The following CEP89 variants were observed in gnomAD, a reference collection of about 807,000 sequenced individuals.
CEP89 encodes the protein centrosomal protein of 89 kDa.
CEP89 carries 95 observed loss-of-function variants against 97.6 expected under a neutral mutation model. The observed-to-expected ratio is 0.97, with a 90% CI of 0.82 to 1.15. CEP89 has a LOEUF of 1.15. Ranked by LOEUF, CEP89 falls within the 50% of genes most tolerant of loss-of-function variation. The probability of loss-of-function intolerance (pLI) is 0.00; values close to 1 mark genes in which losing one functional copy is unlikely to be tolerated. For missense variants in CEP89, 869 were observed against 947.7 expected (o/e 0.92, Z 1.09); for synonymous variants, 354 against 349.1 (o/e 1.01, Z -0.16).
At position 32,933,435 on chromosome 19, in the gene CEP89, CTCTG is replaced by C. The variant is rs1237880232; in HGVS notation, c.886+12_886+15del. ...CCTGCTCATTCCTCTAATAAAGGCA[CTCTG>C]TCTGTCCCCACCTTCCTGTGACGAC... is the stretch of plus-strand genomic sequence containing the variant. On this transcript the variant is annotated intron_variant, in intron 8 of 18. Transcript: ENST00000305768. The C allele has an allele frequency of 1.9e-6, 3 of 1,589,498 alleles. No homozygotes were observed. Among genetic ancestry groups the C allele is most frequent in the East Asian group, 2.2e-5 (1 of 44,742 alleles).
intron 6 of CEP89, among the ~76,000 whole-genome samples, chr19:32,939,071 A>G (rs1970634172): frequency 6.6e-6 from 1 of 151,000 alleles, no homozygotes; most frequent in Non-Finnish European, 1.5e-5. Context: ...ACATAACAAG[A>G]CCCCATCTCT....
At chr19:32,927,456 G>A (rs1267482906) in intron 9 of CEP89, among the ~76,000 whole-genome samples, 1 of 152,132 alleles carries the variant, frequency 6.6e-6, no homozygotes, top group African/African-American at 2.4e-5. Context: ...CATAGGCAGT[G>A]TGCCTAGAGT....
intron 17 of CEP89, among the ~76,000 whole-genome samples, chr19:32,883,174 AATT>A (rs1969322373): frequency 6.6e-6 from 1 of 151,804 alleles, no homozygotes; most frequent in African/African-American, 2.4e-5. Context: ...GCATTTCTAA[AATT>A]ATTGTCACAG....
At chr19:32,918,878 CTTTTTCT>C (rs1390976681) in intron 12 of CEP89, among the ~76,000 whole-genome samples, 13 of 110,862 alleles carry the variant, frequency 1.2e-4, no homozygotes, top group Middle Eastern at 4.1e-3. Flanking sequence ...TTTTCTTTTT[CTTTTTCT>C]TTTTTTTTTT....
chr19:32,942,153 A>G (rs545573205), intron 5 of CEP89, among the ~76,000 whole-genome samples: 45 of 152,188 alleles, frequency 3.0e-4, no homozygotes, highest in Non-Finnish European at 4.1e-4. Flanking sequence ...AGGCCGAGGC[A>G]GGTAGATCGG....
chr19:32,879,601 C>T (rs935671383), intron 18 of CEP89, among the ~76,000 whole-genome samples: 4 of 152,098 alleles, frequency 2.6e-5, no homozygotes, highest in African/African-American at 9.7e-5. Context: ...TGGAATGAAG[C>T]GGCCAGTGCC....
intron 9 of CEP89, among the ~76,000 whole-genome samples, chr19:32,929,799 C>CT (rs1169734117): frequency 2.6e-5 from 4 of 152,092 alleles, no homozygotes. Flanking sequence ...ACCCTAAGAA[C>CT]TTTATTTGTT....
intron 1 of CEP89, chr19:32,970,477 AC>A (rs932392575): frequency 1.3e-5 from 2 of 149,720 alleles, no homozygotes; most frequent in Non-Finnish European, 3.0e-5. Flanking sequence ...GCATACCCAG[AC>A]CCCATCTCTA....
chr19:32,937,500 T>C, intron 7 of CEP89, 131 bp downstream of exon 7: 2 of 776,836 alleles, frequency 2.6e-6, no homozygotes, highest in African/African-American at 3.5e-5. Flanking sequence ...ACCCTCTCTT[T>C]TGAGGCAAGG....
rs1969478599 is a variant in CEP89, at chr19:32,889,943, C to G, written c.1876-2102G>C. On this transcript the variant is annotated intron_variant, in intron 16 of 18. Coordinates refer to ENST00000305768, the MANE Select transcript of CEP89 (RefSeq NM_032816.5). Reference sequence around the variant, plus strand: ...TACCACAGAGAGTGCCAGGGTTCAGCTGCCTTTCAGAGGGGCAGCGCTGGG... The same window carrying G: ...TACCACAGAGAGTGCCAGGGTTCAGGTGCCTTTCAGAGGGGCAGCGCTGGG... Among the ~76,000 whole-genome samples the G allele has an allele frequency of 2.0e-5, 3 of 152,230 alleles. No individual in the cohort carries two copies. In the South Asian group the frequency reaches 6.2e-4, roughly 32 times the overall value.
rs1969293689 is a variant in CEP89, at chr19:32,881,991, A to G, written c.1988T>C (p.Leu663Pro). ...KVKGYKKQAA[L>P]KLGDISHRLL... ...ACGGTGACTGATGTCCCCCAGCTTCAGTGCTGCCTGCTTCTTGTAGCCCTG... is the reference window on the plus strand; with the variant it reads ...ACGGTGACTGATGTCCCCCAGCTTCGGTGCTGCCTGCTTCTTGTAGCCCTG... The change falls in exon 18 of 19, where the codon CTG becomes CCG. Residue 663 changes from leucine to proline, a missense_variant. By Grantham distance (98) the Leu-to-Pro change is moderately conservative. Coordinates refer to ENST00000305768, the MANE Select transcript of CEP89 (RefSeq NM_032816.5). 2.5e-6 allele frequency: 4 copies of G among 1,579,106 alleles called. No homozygotes were observed. Among genetic ancestry groups the G allele is most frequent in the Non-Finnish European group, 2.6e-6 (3 of 1,162,322 alleles).
intron 7 of CEP89, among the ~76,000 whole-genome samples, chr19:32,934,204 C>T (rs1970534046): frequency 6.6e-6 from 1 of 152,010 alleles, no homozygotes; most frequent in Non-Finnish European, 1.5e-5. Flanking sequence ...CAGATGCTCC[C>T]CCAGATGAGG....
At chr19:32,892,531 C>T (rs1969552240) in intron 16 of CEP89, among the ~76,000 whole-genome samples, 1 of 151,848 alleles carries the variant, frequency 6.6e-6, no homozygotes, top group African/African-American at 2.4e-5. Context: ...GTCTTGAACT[C>T]CTGACCTCAG....
intron 14 of CEP89, among the ~76,000 whole-genome samples, chr19:32,908,063 G>T (rs1387328889): frequency 1.3e-5 from 2 of 152,194 alleles, no homozygotes; most frequent in African/African-American, 2.4e-5. Flanking sequence ...TGTGCAGGAG[G>T]CTATGCCATG....
At chr19:32,879,638 A>C (rs540862059) in intron 18 of CEP89, among the ~76,000 whole-genome samples, 3 of 152,170 alleles carry the variant, frequency 2.0e-5, no homozygotes, top group Non-Finnish European at 4.4e-5. Context: ...GCAGGACGGC[A>C]CAGGCATTTC....
intron 5 of CEP89, among the ~76,000 whole-genome samples, chr19:32,947,469 CA>C (rs1298210629): frequency 6.6e-6 from 1 of 152,050 alleles, no homozygotes; most frequent in Non-Finnish European, 1.5e-5. Flanking sequence ...ACCTAATATC[CA>C]GAAGCAATTG....
chr19:32,966,784 T>C (rs1015622489), intron 1 of CEP89, among the ~76,000 whole-genome samples: 1 of 152,194 alleles, frequency 6.6e-6, no homozygotes, highest in South Asian at 2.1e-4. Context: ...TGATGTCTCA[T>C]GTGGCTCCCC....
At chr19:32,949,584 A>G (rs1462283147) in intron 4 of CEP89, among the ~76,000 whole-genome samples, 1 of 151,996 alleles carries the variant, frequency 6.6e-6, no homozygotes, top group Non-Finnish European at 1.5e-5. Context: ...GGGTCTCAGT[A>G]TGTTGTCCAG....
At chr19:32,909,120 T>G in intron 14 of CEP89, among the ~76,000 whole-genome samples, 1 of 152,200 alleles carries the variant, frequency 6.6e-6, no homozygotes, top group East Asian at 1.9e-4. Context: ...TGGCTCTCTT[T>G]GCTTTTACTA....
Sources: gnomAD v4.1 joint callset for allele counts (sites outside exome capture counted in the v4.1 genomes callset) on GRCh38, gnomAD v4.1.1 for gene constraint, MANE v1.5 for transcripts, NCBI Gene and HGNC (gene_info 2026-07-23, HGNC 2026-07-21) for gene names.